Variants in POU6F2 observed in about 807,000 individuals in gnomAD.
The protein encoded by POU6F2 is POU domain, class 6, transcription factor 2.
POU6F2 carries 31 observed loss-of-function variants against 71.3 expected under a neutral mutation model. That is an observed-to-expected ratio of 0.43 (90% CI 0.33 to 0.59). POU6F2 has a LOEUF of 0.59. POU6F2 is among the 20% of genes least tolerant of loss of function. POU6F2 has a pLI of 0.04. For synonymous variants in POU6F2, 347 were observed against 355.7 expected (o/e 0.98, Z 0.27); for missense variants, 783 against 856.8 (o/e 0.91, Z 1.07).
chr7:39,459,128 T>G (rs1788880693), intron 8 of POU6F2, among the ~76,000 whole-genome samples: 1 of 152,182 alleles, frequency 6.6e-6, no homozygotes, highest in Non-Finnish European at 1.5e-5. Flanking sequence ...CTCCCTCCAT[T>G]CCAGACTCCC....
At chr7:39,215,954 A>G (rs1320489267) in intron 4 of POU6F2, among the ~76,000 whole-genome samples, 1 of 152,202 alleles carries the variant, frequency 6.6e-6, no homozygotes, top group Admixed American at 6.5e-5. Flanking sequence ...TCTAGGATCC[A>G]GGCAGAAGAA....
chr7:39,392,421 G>A (rs1260152998), intron 5 of POU6F2, among the ~76,000 whole-genome samples: 3 of 152,198 alleles, frequency 2.0e-5, no homozygotes, highest in African/African-American at 7.2e-5. Context: ...GCCACTGTGG[G>A]AGAAAGCCCT....
chr7:39,399,356 C>T (rs1182167540), intron 5 of POU6F2, among the ~76,000 whole-genome samples: 1 of 152,248 alleles, frequency 6.6e-6, no homozygotes, highest in Non-Finnish European at 1.5e-5. Flanking sequence ...TCCCACAAGA[C>T]TGACCCCCAC....
intron 4 of POU6F2, among the ~76,000 whole-genome samples, chr7:39,296,185 C>A (rs962287300): frequency 4.6e-5 from 7 of 152,146 alleles, no homozygotes; most frequent in Admixed American, 4.6e-4. Flanking sequence ...GGGTTTTTAT[C>A]TTTTGTGAGA....
At chr7:39,105,776 T>C (rs1411674392) in intron 2 of POU6F2, among the ~76,000 whole-genome samples, 1 of 152,200 alleles carries the variant, frequency 6.6e-6, no homozygotes, top group Non-Finnish European at 1.5e-5. Flanking sequence ...AGTCATGAAC[T>C]TAGTACTGAA....
At chr7:39,335,124 A>G (rs1785740125) in intron 4 of POU6F2, among the ~76,000 whole-genome samples, 1 of 152,196 alleles carries the variant, frequency 6.6e-6, no homozygotes, top group South Asian at 2.1e-4. Context: ...TTTTCTTACC[A>G]TCAAGGTAAA....
intron 5 of POU6F2, among the ~76,000 whole-genome samples, chr7:39,355,669 C>T (rs1415467320): frequency 6.6e-6 from 1 of 152,124 alleles, no homozygotes; most frequent in African/African-American, 2.4e-5. Context: ...GCCCACCACC[C>T]AGCCCCCCAG....
At chr7:39,402,033 C>A (rs1425699157) in intron 5 of POU6F2, among the ~76,000 whole-genome samples, 1 of 152,178 alleles carries the variant, frequency 6.6e-6, no homozygotes, top group Non-Finnish European at 1.5e-5. Context: ...ATAATAGAAT[C>A]ATATAATCAG....
chr7:39,239,451 G>C (rs1262386186), intron 4 of POU6F2, among the ~76,000 whole-genome samples: 1 of 152,124 alleles, frequency 6.6e-6, no homozygotes, highest in African/African-American at 2.4e-5. Context: ...AAAGTCATAG[G>C]TCTTGTTGCA....
At chr7:39,447,076 A>G (rs777308814) in intron 7 of POU6F2, among the ~76,000 whole-genome samples, 1 of 152,232 alleles carries the variant, frequency 6.6e-6, no homozygotes, top group Non-Finnish European at 1.5e-5. Flanking sequence ...ACTGCATCTG[A>G]GATGTGTCCC....
chr7:39,267,327 T>G (rs1335530875), intron 4 of POU6F2, among the ~76,000 whole-genome samples: 2 of 152,228 alleles, frequency 1.3e-5, no homozygotes, highest in East Asian at 3.8e-4. Context: ...TGTAGTTTTC[T>G]TATCCTTTGA....
rs79453548 is a variant in POU6F2, at chr7:39,328,210, C to T, written c.599-11432C>T. 6.6e-5 allele frequency among the ~76,000 whole-genome samples: 10 copies of T among 152,304 alleles called. No homozygotes were observed. In the East Asian group the frequency reaches 1.9e-3, roughly 29 times the overall value. ...CTGGGATTACAGGCGTGAGCCACCG[C>T]ACCCGACCGAATCGGGTTTCTTTAA... On this transcript the variant is annotated intron_variant, in intron 4 of 9. Transcript: ENST00000518318.
intron 2 of POU6F2, among the ~76,000 whole-genome samples, chr7:39,164,741 A>G (rs1031979868): frequency 6.6e-6 from 1 of 152,046 alleles, no homozygotes; most frequent in Non-Finnish European, 1.5e-5. Context: ...AAAGGAATGA[A>G]GATGAGAAGG....
At chr7:39,325,436 G>A (rs558687781) in intron 4 of POU6F2, among the ~76,000 whole-genome samples, 43 of 152,282 alleles carry the variant, frequency 2.8e-4, no homozygotes, top group Non-Finnish European at 5.6e-4. Context: ...TGCCTGTTTA[G>A]GAAGTTTAAA....
At position 39,027,574 on chromosome 7, in the gene POU6F2, A is replaced by C. The variant is rs562695930; in HGVS notation, c.105+49516A>C. Among the ~76,000 whole-genome samples, 5 of 152,246 alleles carry C rather than the reference A, an allele frequency of 3.3e-5. No homozygotes were observed. In the East Asian group the frequency reaches 9.7e-4, roughly 29 times the overall value. ...AGCAGCTCTGCTTTTCTGTCGTTTT[A>C]TATTTTTGACTTTCAATTTCAAGGA... On this transcript the variant is annotated intron_variant, in intron 1 of 9. Transcript: ENST00000518318.
chr7:39,365,063 T>C (rs1358553764), intron 5 of POU6F2, among the ~76,000 whole-genome samples: 1 of 152,214 alleles, frequency 6.6e-6, no homozygotes, highest in Non-Finnish European at 1.5e-5. Context: ...CATTTGTATA[T>C]CTTCTTTTGA....
At chr7:39,216,232 A>G (rs1264000831) in intron 4 of POU6F2, among the ~76,000 whole-genome samples, 1 of 152,214 alleles carries the variant, frequency 6.6e-6, no homozygotes, top group Non-Finnish European at 1.5e-5. Context: ...GATACACTAC[A>G]GAAGTATTTG....
intron 2 of POU6F2, among the ~76,000 whole-genome samples, chr7:39,105,139 T>C (rs544028430): frequency 5.9e-5 from 9 of 152,320 alleles, no homozygotes; most frequent in East Asian, 1.9e-4. Context: ...GTCACACTTA[T>C]GATAGACCTT....
chr7:39,025,959 C>A (rs1789790903), intron 1 of POU6F2, among the ~76,000 whole-genome samples: 1 of 152,162 alleles, frequency 6.6e-6, no homozygotes, highest in Non-Finnish European at 1.5e-5. Context: ...AGACACTTCT[C>A]AAAAGAAGAT....
Sources: gnomAD v4.1 joint callset for allele counts (sites outside exome capture counted in the v4.1 genomes callset) on GRCh38, gnomAD v4.1.1 for gene constraint, MANE v1.5 for transcripts, NCBI Gene and HGNC (gene_info 2026-07-23, HGNC 2026-07-21) for gene names.